The following ARVCF variants were observed in gnomAD, a reference collection of about 807,000 sequenced individuals.
The protein encoded by ARVCF is splicing regulator ARVCF.
Under a neutral mutation model 90.9 loss-of-function variants are expected in ARVCF, and 66 were observed. The ratio of observed to expected loss-of-function variants is 0.73; its 90% CI spans 0.60 to 0.89. ARVCF has a LOEUF of 0.89. Among genes scored for constraint, ARVCF ranks in the 40% least tolerant of loss-of-function variants. The pLI is 0.00. For missense variants in ARVCF, 1,469 were observed against 1,382.3 expected (o/e 1.06, Z -1.00); for synonymous variants, 653 against 603.4 (o/e 1.08, Z -1.21).
In ARVCF at chr22:19,977,447, T is replaced by C; in HGVS notation, c.1838A>G (p.Asp613Gly). ...CTTCTTGCCTCCAAAGCAGCTGGCA[T>C]CATCCCGCCTCCGGCGCTGGGAGCC... ...AVGSQRRRRD[D>G]ASCFGGKKAK... The change falls in exon 9 of 20, where the codon GAT (aspartate) becomes GGT (glycine). Residue 613 changes from aspartate (D) to glycine (G), a missense_variant. By Grantham distance (94) the Asp-to-Gly change is moderately conservative. Coordinates refer to ENST00000263207, the MANE Select transcript of ARVCF (RefSeq NM_001670.3). 6.4e-7 allele frequency: 1 copy of C among 1,551,034 alleles called. No individual in the cohort carries two copies. Among genetic ancestry groups the C allele is most frequent in the Non-Finnish European group, 8.7e-7 (1 of 1,147,852 alleles).
intron 2 of ARVCF, among the ~76,000 whole-genome samples, chr22:19,995,435 C>G (rs1342931675): frequency 2.0e-5 from 3 of 151,982 alleles, no homozygotes; most frequent in Non-Finnish European, 4.4e-5. Context: ...AATGCTGGAA[C>G]CTCACTAAGT....
chr22:19,985,442 G>A (rs887935559), intron 3 of ARVCF, among the ~76,000 whole-genome samples: 5 of 152,210 alleles, frequency 3.3e-5, no homozygotes, highest in African/African-American at 1.2e-4. Flanking sequence ...GCTCACAAGA[G>A]GGTCCCGGGA....
intron 1 of ARVCF, among the ~76,000 whole-genome samples, chr22:20,015,076 C>A (rs888217691): frequency 6.6e-6 from 1 of 152,164 alleles, no homozygotes; most frequent in African/African-American, 2.4e-5. Flanking sequence ...GATTGAGGGT[C>A]AGAACTTGTT....
chr22:19,971,365 C>A lies in ARVCF; in HGVS notation c.2782-30G>T, dbSNP rs1186193192. ...AGCGCACGGGTGGGCATTAGAGGCA[C>A]AATAGAGCAGGTTAGTTAGAGCTCC... On this transcript the variant is annotated intron_variant, in intron 18 of 19. Transcript: ENST00000263207. The A allele has an allele frequency of 1.9e-6, 3 of 1,542,076 alleles. No homozygotes were observed. The Admixed American group carries it at 6.0e-5, about 31-fold the overall frequency.
chr22:19,979,833 T>C lies in ARVCF; in HGVS notation c.1306A>G (p.Lys436Glu). 6.2e-7 allele frequency: 1 copy of C among 1,609,702 alleles called. No individual in the cohort carries two copies. Among genetic ancestry groups the C allele is most frequent in the Non-Finnish European group, 8.5e-7 (1 of 1,178,920 alleles). ...CCACCGCAGTCCCGGATGGCGGCCT[T>C]GTTGTCAGTGTCGCGGCCATAGGAG... is the stretch of plus-strand genomic sequence containing the variant. ...NLSYGRDTDNKAAIRDCGGVP... is the reference protein window; with the variant it reads ...NLSYGRDTDNEAAIRDCGGVP... The change falls in exon 6 of 20, where the codon AAG (lysine) becomes GAG (glutamate). Residue 436 changes from lysine to glutamate, a missense_variant. Transcript: ENST00000263207.
At chr22:20,009,442 T>G (rs534932270) in intron 2 of ARVCF, among the ~76,000 whole-genome samples, 91 of 152,280 alleles carry the variant, frequency 6.0e-4, no homozygotes, top group Non-Finnish European at 1.1e-3. Flanking sequence ...TCCCTACCAC[T>G]TAGGCACAGC....
At chr22:20,009,544 G>C (rs1341621717) in intron 2 of ARVCF, among the ~76,000 whole-genome samples, 2 of 152,238 alleles carry the variant, frequency 1.3e-5, no homozygotes, top group East Asian at 1.9e-4. Context: ...CTGCTTTTTG[G>C]GGGGACAGGC....
At chr22:20,005,782 C>T (rs997753576) in intron 2 of ARVCF, among the ~76,000 whole-genome samples, 3 of 145,402 alleles carry the variant, frequency 2.1e-5, no homozygotes, top group Admixed American at 7.0e-5. Context: ...GGCGGCAGAG[C>T]GAGACTCCGT....
chr22:19,980,045 G>A lies in ARVCF; in HGVS notation c.1094C>T (p.Ala365Val). 1 of 1,585,406 alleles carries A rather than the reference G, an allele frequency of 6.3e-7. No individual in the cohort carries two copies. Among genetic ancestry groups the A allele is most frequent in the Non-Finnish European group, 8.6e-7 (1 of 1,164,892 alleles). The change falls in exon 6 of 20, where the codon GCC becomes GTC. Residue 365 changes from alanine to valine, a missense_variant. Physicochemically the swap from Ala to Val is moderately conservative, Grantham distance 64. Coordinates refer to ENST00000263207, the MANE Select transcript of ARVCF (RefSeq NM_001670.3). ...GGGGTCCACGGGGTGCCGCAGCATGGCCAGCACCTCAGGCAGCTCAGGGTC... is the reference window on the plus strand; with the variant it reads ...GGGGTCCACGGGGTGCCGCAGCATGACCAGCACCTCAGGCAGCTCAGGGTC... ...WRDPELPEVLAMLRHPVDPVK... is the reference protein window; with the variant it reads ...WRDPELPEVLVMLRHPVDPVK...
intron 2 of ARVCF, among the ~76,000 whole-genome samples, chr22:20,000,632 C>G (rs937236085): frequency 2.6e-5 from 4 of 152,324 alleles, no homozygotes; most frequent in Admixed American, 6.5e-5. Flanking sequence ...GTGCAGCCAC[C>G]CACACTGCTA....
intron 2 of ARVCF, among the ~76,000 whole-genome samples, chr22:19,995,000 GGTGGATGAA>G (rs1944190643): frequency 6.6e-6 from 1 of 151,858 alleles, no homozygotes; most frequent in Non-Finnish European, 1.5e-5. Context: ...TGGATAGGGA[GGTGGATGAA>G]GTCATAGAAG....
At chr22:19,980,975 T>C (rs2146310632) in intron 5 of ARVCF, 2 of 515,054 alleles carry the variant, frequency 3.9e-6, no homozygotes, top group East Asian at 6.4e-5. Flanking sequence ...GCAAGGCCAG[T>C]GGCCGGCACT....
chr22:19,991,524 A>C lies in ARVCF; in HGVS notation c.-18-712T>G, dbSNP rs528155322. Reference sequence around the variant, plus strand: ...GACTGCATGAAGTTAAGAGACCATAAGCCTGAAGTGGCTGGTGTGTGTGAT... The same window carrying C: ...GACTGCATGAAGTTAAGAGACCATACGCCTGAAGTGGCTGGTGTGTGTGAT... On this transcript the variant is annotated intron_variant, in intron 2 of 19. Transcript: ENST00000263207. Among the ~76,000 whole-genome samples the C allele has an allele frequency of 7.2e-5, 11 of 152,366 alleles. No homozygotes were observed. In the East Asian group the frequency reaches 1.9e-3, roughly 27 times the overall value.
downstream of ARVCF, chr22:19,968,568 A>G (rs1287684661): frequency 2.5e-6 from 4 of 1,613,764 alleles, no homozygotes; most frequent in African/African-American, 4.0e-5. Context: ...GGACAGTGCT[A>G]CTGGCTGACA....
At position 19,971,238 on chromosome 22, in the gene ARVCF, G is replaced by C. The variant is rs747572063; in HGVS notation, c.2879C>G (p.Ser960Cys). 1.9e-6 allele frequency: 3 copies of C among 1,554,754 alleles called. No individual in the cohort carries two copies. The highest frequency in any genetic ancestry group is 2.4e-5 in the South Asian group (2 of 84,330). ...TACCAGGCATGCAAGCTAGACCCAG[G>C]AATCAACGGGCTGAGGCTTAGCGTC... ...VGDAKPQPVD[S>C]WV is the part of the protein sequence containing the mutation. The change falls in exon 19 of 20, where the codon TCC (serine) becomes TGC (cysteine). Residue 960 changes from serine to cysteine, a missense_variant. Transcript: ENST00000263207.
chr22:19,971,605 C>T (rs1942794781), intron 18 of ARVCF, among the ~76,000 whole-genome samples: 1 of 152,186 alleles, frequency 6.6e-6, no homozygotes, highest in Admixed American at 6.5e-5. Context: ...CCCTGGTGGG[C>T]TCTCACACGC....
intron 11 of ARVCF, among the ~76,000 whole-genome samples, chr22:19,974,851 G>A (rs1236253020): frequency 6.6e-6 from 1 of 152,058 alleles, no homozygotes; most frequent in Non-Finnish European, 1.5e-5. Flanking sequence ...CCAAGTTCCC[G>A]GGCAACTGAG....
At chr22:19,987,394 C>T (rs982610014) in intron 3 of ARVCF, among the ~76,000 whole-genome samples, 2 of 148,506 alleles carry the variant, frequency 1.3e-5, no homozygotes, top group African/African-American at 4.9e-5. Flanking sequence ...CCCACCACCT[C>T]CCCCCACCCA....
intron 2 of ARVCF, among the ~76,000 whole-genome samples, chr22:19,994,211 G>T (rs2146399555): frequency 6.6e-6 from 1 of 152,020 alleles, no homozygotes; most frequent in South Asian, 2.1e-4. Context: ...GTGGGAGATG[G>T]ACAGAGATGA....
Sources: gnomAD v4.1 joint callset for allele counts (sites outside exome capture counted in the v4.1 genomes callset) on GRCh38, gnomAD v4.1.1 for gene constraint, MANE v1.5 for transcripts, NCBI Gene and HGNC (gene_info 2026-07-23, HGNC 2026-07-21) for gene names.